Variants in CNTN5 observed in about 807,000 individuals in gnomAD.
CNTN5 encodes the protein contactin 5.
CNTN5 carries 77 observed loss-of-function variants against 129.1 expected under a neutral mutation model. The observed-to-expected ratio is 0.60, with a 90% CI of 0.50 to 0.72. The LOEUF is 0.72. CNTN5 is among the 30% of genes least tolerant of loss of function. The probability of loss-of-function intolerance (pLI) is 0.00; values close to 1 mark genes in which losing one functional copy is unlikely to be tolerated. For synonymous variants in CNTN5, 509 were observed against 465.6 expected, an observed-to-expected ratio of 1.09 and a Z score of -1.20; for missense variants, 1,478 against 1,328.8, an observed-to-expected ratio of 1.11 and a Z score of -1.75.
chr11:99,236,392 T>C (rs1861263616), intron 1 of CNTN5, among the ~76,000 whole-genome samples: 1 of 152,040 alleles, frequency 6.6e-6, no homozygotes, highest in South Asian at 2.1e-4. Context: ...CCTTGTGTTA[T>C]TTTAAATAAT....
At chr11:99,925,906 C>G (rs747137679) in intron 7 of CNTN5, among the ~76,000 whole-genome samples, 12 of 152,018 alleles carry the variant, frequency 7.9e-5, no homozygotes, top group Admixed American at 2.0e-4. Flanking sequence ...TTCTAAATAG[C>G]TATATTGTAC....
At chr11:99,613,323 T>C (rs780200092) in intron 3 of CNTN5, among the ~76,000 whole-genome samples, 3 of 152,190 alleles carry the variant, frequency 2.0e-5, no homozygotes, top group Non-Finnish European at 4.4e-5. Context: ...TCTTCCCGGC[T>C]TCGCTGGGCC....
chr11:99,639,769 G>A (rs1272990144), intron 3 of CNTN5, among the ~76,000 whole-genome samples: 1 of 151,782 alleles, frequency 6.6e-6, no homozygotes. Context: ...TCACCATGTT[G>A]GTCAGGCTGG....
chr11:100,234,792 TAAAAAAAAAA>T (rs781363668), intron 16 of CNTN5, among the ~76,000 whole-genome samples: 8 of 102,066 alleles, frequency 7.8e-5, no homozygotes, highest in Non-Finnish European at 1.2e-4. Flanking sequence ...TCCCAGAATT[TAAAAAAAAAA>T]AAAAAAAAAA....
chr11:99,172,198 A>G (rs891128667), intron 1 of CNTN5, among the ~76,000 whole-genome samples: 13 of 103,654 alleles, frequency 1.3e-4, no homozygotes, highest in African/African-American at 5.2e-4. Flanking sequence ...AATCACTAAG[A>G]CCCAGTTTCT....
chr11:100,237,705 T>C (rs922951421), intron 16 of CNTN5, among the ~76,000 whole-genome samples: 8 of 152,200 alleles, frequency 5.3e-5, no homozygotes, highest in Non-Finnish European at 1.0e-4. Flanking sequence ...AAAGGCTTTT[T>C]CTTGGTTAAA....
intron 2 of CNTN5, among the ~76,000 whole-genome samples, chr11:99,420,289 AT>A (rs1942832526): frequency 6.6e-6 from 1 of 152,164 alleles, no homozygotes; most frequent in African/African-American, 2.4e-5. Flanking sequence ...GTCAAAAAAA[AT>A]CTGGGAAAAA....
intron 9 of CNTN5, among the ~76,000 whole-genome samples, chr11:100,026,233 C>A (rs564537562): frequency 1.3e-5 from 2 of 152,188 alleles, no homozygotes; most frequent in African/African-American, 4.8e-5. Flanking sequence ...TTGCTCCACA[C>A]TTCTTCTTCC....
chr11:99,503,592 T>G (rs757493116), intron 2 of CNTN5, among the ~76,000 whole-genome samples: 2 of 152,200 alleles, frequency 1.3e-5, no homozygotes, highest in South Asian at 2.1e-4. Context: ...ACTTGATTGT[T>G]AATATATCTT....
chr11:99,100,705 C>T (rs150370632), intron 1 of CNTN5, among the ~76,000 whole-genome samples: 4 of 152,058 alleles, frequency 2.6e-5, no homozygotes, highest in South Asian at 2.1e-4. Context: ...CTCCATAATA[C>T]GTTTTTAAAC....
rs553931176 is a variant in CNTN5 at position 99,031,053 on chromosome 11, T to TC, written c.-210+9786dup. Among the ~76,000 whole-genome samples the TC allele has an allele frequency of 3.3e-3, 506 of 152,254 alleles. 2 individuals are homozygous for TC. The highest frequency in any genetic ancestry group is 0.012 in the African/African-American group (487 of 41,548). On this transcript the variant is annotated intron_variant, in intron 1 of 24. Transcript: ENST00000524871. ...ACCTCGTGATCCGCCCGTCTCGGCC[T>TC]CCCAAAGTGCTGGGATTACAGGCGT...
chr11:99,228,862 A>G (rs1860831850), intron 1 of CNTN5, among the ~76,000 whole-genome samples: 1 of 151,980 alleles, frequency 6.6e-6, no homozygotes, highest in African/African-American at 2.4e-5. Context: ...CTTTTTAATG[A>G]TGGCATTTTG....
chr11:99,350,772 G>A (rs969410934), intron 2 of CNTN5, among the ~76,000 whole-genome samples: 1 of 151,936 alleles, frequency 6.6e-6, no homozygotes, highest in South Asian at 2.1e-4. Flanking sequence ...ATGATAAAAA[G>A]AAAACAATCA....
intron 8 of CNTN5, among the ~76,000 whole-genome samples, chr11:99,957,371 A>G (rs11601883): frequency 0.17 from 25,514 of 152,114 alleles, 2,240 homozygotes; most frequent in Middle Eastern, 0.22. Context: ...TTCACTTTTC[A>G]TTACATTTTT....
chr11:99,119,115 C>A (rs1858182374), intron 1 of CNTN5, among the ~76,000 whole-genome samples: 1 of 151,952 alleles, frequency 6.6e-6, no homozygotes, highest in South Asian at 2.1e-4. Flanking sequence ...AATGAAATAT[C>A]TTCTCCATTA....
At chr11:100,172,808 T>C (rs1947863022) in intron 13 of CNTN5, among the ~76,000 whole-genome samples, 1 of 152,102 alleles carries the variant, frequency 6.6e-6, no homozygotes, top group African/African-American at 2.4e-5. Flanking sequence ...GTTATGATTA[T>C]GAGGAATATC....
intron 9 of CNTN5, among the ~76,000 whole-genome samples, chr11:100,021,045 T>A (rs770290512): frequency 6.6e-5 from 10 of 152,152 alleles, no homozygotes; most frequent in Non-Finnish European, 1.3e-4. Context: ...TCCAGTTCTA[T>A]GATTTCTAAT....
chr11:99,081,565 C>A (rs1865798250), intron 1 of CNTN5, among the ~76,000 whole-genome samples: 1 of 152,074 alleles, frequency 6.6e-6, no homozygotes, highest in Non-Finnish European at 1.5e-5. Flanking sequence ...AGGATGATAT[C>A]ATATCTACTT....
intron 13 of CNTN5, among the ~76,000 whole-genome samples, chr11:100,136,497 C>G: frequency 6.6e-6 from 1 of 151,866 alleles, no homozygotes; most frequent in Admixed American, 6.6e-5. Flanking sequence ...GAAAAAATGA[C>G]CTATTTTATG....
Sources: gnomAD v4.1 joint callset for allele counts (sites outside exome capture counted in the v4.1 genomes callset) on GRCh38, gnomAD v4.1.1 for gene constraint, MANE v1.5 for transcripts, NCBI Gene and HGNC (gene_info 2026-07-23, HGNC 2026-07-21) for gene names.